The following SLAMF1 variants were observed in gnomAD, a reference collection of about 807,000 sequenced individuals.
SLAMF1 encodes signaling lymphocytic activation molecule family member 1.
A neutral mutation model predicts 35.1 loss-of-function variants in SLAMF1; 18 were observed. The observed-to-expected ratio is 0.51, with a 90% confidence interval of 0.35 to 0.76. SLAMF1 has a LOEUF of 0.76. Ranked by LOEUF, SLAMF1 falls within the 30% of genes least tolerant of loss-of-function variation. SLAMF1 has a pLI of 0.01. For missense variants in SLAMF1, 392 were observed against 413.0 expected (o/e 0.95, Z 0.44); for synonymous variants, 168 against 157.2 (o/e 1.07, Z -0.51).
intron 3 of SLAMF1, among the ~76,000 whole-genome samples, chr1:160,627,432 A>T (rs1391521023): frequency 6.6e-6 from 1 of 152,196 alleles, no homozygotes; most frequent in Non-Finnish European, 1.5e-5. Context: ...GATTGGAAAG[A>T]CAAGAAAATG....
At chr1:160,623,777 C>G (rs1558006755) in intron 4 of SLAMF1, among the ~76,000 whole-genome samples, 1 of 152,116 alleles carries the variant, frequency 6.6e-6, no homozygotes, top group Non-Finnish European at 1.5e-5. Context: ...ACTCTTAAAC[C>G]TCTTGTTCAC....
intron 2 of SLAMF1, 172 bp downstream of exon 2, chr1:160,637,019 A>G: frequency 1.7e-6 from 1 of 598,506 alleles, no homozygotes; most frequent in South Asian, 2.1e-5. Flanking sequence ...GGAAAAAAAA[A>G]TGTCAACCTT....
chr1:160,628,403 T>TG (rs1014668098), intron 3 of SLAMF1, among the ~76,000 whole-genome samples: 22 of 152,200 alleles, frequency 1.4e-4, no homozygotes, highest in Admixed American at 4.6e-4. Flanking sequence ...CCCAGATTCC[T>TG]GGGGGGTCTC....
At chr1:160,643,073 AGAGC>A (rs1660838622) in intron 1 of SLAMF1, among the ~76,000 whole-genome samples, 1 of 152,106 alleles carries the variant, frequency 6.6e-6, no homozygotes, top group South Asian at 2.1e-4. Flanking sequence ...TGATGTGATA[AGAGC>A]AAGGTCAATT....
intron 2 of SLAMF1, among the ~76,000 whole-genome samples, chr1:160,635,734 G>C (rs1660418646): frequency 9.2e-6 from 1 of 109,110 alleles, no homozygotes; most frequent in East Asian, 2.5e-4. Context: ...ACCATGCTGA[G>C]CTAATTTTTT....
intron 2 of SLAMF1, among the ~76,000 whole-genome samples, chr1:160,636,272 C>T (rs187938939): frequency 1.1e-4 from 16 of 152,268 alleles, no homozygotes; most frequent in African/African-American, 3.1e-4. Context: ...ATGGGAATTC[C>T]GCAGGCACTG....
At chr1:160,631,247 C>T (rs1454824239) in intron 3 of SLAMF1, among the ~76,000 whole-genome samples, 3 of 152,194 alleles carry the variant, frequency 2.0e-5, no homozygotes, top group African/African-American at 4.8e-5. Context: ...TGGTATACTG[C>T]GCAGGGCAGG....
intron 1 of SLAMF1, among the ~76,000 whole-genome samples, chr1:160,643,404 G>A (rs185412031): frequency 2.2e-4 from 33 of 152,252 alleles, no homozygotes; most frequent in South Asian, 1.0e-3. Context: ...CACCCTGGGC[G>A]CTCTACCTAG....
chr1:160,613,663 T>C (rs1659128071), intron 5 of SLAMF1, among the ~76,000 whole-genome samples: 1 of 152,194 alleles, frequency 6.6e-6, no homozygotes, highest in Admixed American at 6.5e-5. Context: ...TGGAATTTTG[T>C]CATGTGATGG....
chr1:160,641,009 AC>A (rs1204474719), intron 1 of SLAMF1, among the ~76,000 whole-genome samples: 2 of 152,168 alleles, frequency 1.3e-5, no homozygotes, highest in Non-Finnish European at 2.9e-5. Context: ...TTTGGTGGCT[AC>A]ATACCTGACT....
intron 3 of SLAMF1, among the ~76,000 whole-genome samples, chr1:160,631,481 C>T (rs1317966044): frequency 6.6e-6 from 1 of 152,130 alleles, no homozygotes; most frequent in Non-Finnish European, 1.5e-5. Flanking sequence ...ATTTTGTCTC[C>T]CCTCCCCCAA....
rs537175248 is a variant in SLAMF1 at position 160,614,011 on chromosome 1, C to T, written c.865-1431G>A. 7.9e-5 allele frequency among the ~76,000 whole-genome samples: 12 copies of T among 152,292 alleles called. No homozygotes were observed. In the South Asian group the frequency reaches 1.0e-3, roughly 13 times the overall value. On this transcript the variant is annotated intron_variant, in intron 5 of 6. Coordinates refer to ENST00000302035, the MANE Select transcript of SLAMF1 (RefSeq NM_003037.5). ...TCTTGTTAAAGGGTTGATTCTATTT[C>T]GGAAGATCTGGAGCAGGGCCTGATT...
At chr1:160,620,740 A>G (rs1324298834) in intron 4 of SLAMF1, among the ~76,000 whole-genome samples, 2 of 152,240 alleles carry the variant, frequency 1.3e-5, no homozygotes, top group Non-Finnish European at 1.5e-5. Context: ...ATATCCCTGT[A>G]GATCAGCTCT....
intron 1 of SLAMF1, among the ~76,000 whole-genome samples, chr1:160,639,257 GT>G (rs962129909): frequency 6.6e-6 from 1 of 151,114 alleles, no homozygotes; most frequent in Non-Finnish European, 1.5e-5. Flanking sequence ...ATGGAGTCTT[GT>G]GCTGTCGCCC....
chr1:160,637,803 C>T (rs1301917653), intron 1 of SLAMF1, among the ~76,000 whole-genome samples: 1 of 152,172 alleles, frequency 6.6e-6, no homozygotes, highest in African/African-American at 2.4e-5. Flanking sequence ...ATTTATTGTT[C>T]AGGCATCTAA....
intron 4 of SLAMF1, among the ~76,000 whole-genome samples, chr1:160,620,284 A>G (rs1659539303): frequency 6.6e-6 from 1 of 151,744 alleles, no homozygotes; most frequent in South Asian, 2.1e-4. Flanking sequence ...CCTCTTTTGT[A>G]TTTTCCAGCT....
chr1:160,615,263 T>C (rs910097378), intron 5 of SLAMF1, among the ~76,000 whole-genome samples: 1 of 152,046 alleles, frequency 6.6e-6, no homozygotes, highest in African/African-American at 2.4e-5. Flanking sequence ...TCTTGTGTGT[T>C]TAAAATATAT....
At chr1:160,630,702 C>G (rs549995036) in intron 3 of SLAMF1, among the ~76,000 whole-genome samples, 1 of 152,134 alleles carries the variant, frequency 6.6e-6, no homozygotes, top group South Asian at 2.1e-4. Flanking sequence ...CTCTTTCTTC[C>G]CCACTTCCCT....
At chr1:160,612,414 A>T in intron 6 of SLAMF1, 74 bp downstream of exon 6, 3 of 1,034,272 alleles carry the variant, frequency 2.9e-6, no homozygotes, top group Non-Finnish European at 4.3e-6. Context: ...CCACCTTAAA[A>T]AAAAAAAACT....
Sources: gnomAD v4.1 joint callset for allele counts (sites outside exome capture counted in the v4.1 genomes callset) on GRCh38, gnomAD v4.1.1 for gene constraint, MANE v1.5 for transcripts, NCBI Gene and HGNC (gene_info 2026-07-23, HGNC 2026-07-21) for gene names.